The following ZFPM2 variants were observed in gnomAD, a reference collection of about 807,000 sequenced individuals.
ZFPM2 encodes the protein zinc finger protein ZFPM2.
A neutral mutation model predicts 98.6 loss-of-function variants in ZFPM2; 20 were observed. That is an observed-to-expected ratio of 0.20 (90% CI 0.14 to 0.29). ZFPM2 has a LOEUF of 0.29. ZFPM2 is among the 10% of genes least tolerant of loss of function. ZFPM2 has a pLI of 1.00. For missense variants in ZFPM2, 1,310 were observed against 1,388.6 expected, an observed-to-expected ratio of 0.94 and a Z score of 0.90; for synonymous variants, 518 against 502.7, an observed-to-expected ratio of 1.03 and a Z score of -0.41.
intron 3 of ZFPM2, among the ~76,000 whole-genome samples, chr8:105,488,259 A>AAGC (rs1158553249): frequency 6.6e-6 from 1 of 152,240 alleles, no homozygotes; most frequent in African/African-American, 2.4e-5. Context: ...AGTTTAGAAT[A>AAGC]AGCAATCCGT....
intron 3 of ZFPM2, among the ~76,000 whole-genome samples, chr8:105,467,631 C>T (rs1270467435): frequency 4.6e-5 from 7 of 151,994 alleles, no homozygotes; most frequent in Admixed American, 2.6e-4. Context: ...GTTACCATGT[C>T]ACCATTAAAT....
intron 5 of ZFPM2, among the ~76,000 whole-genome samples, chr8:105,660,337 C>T (rs552438553): frequency 1.3e-5 from 2 of 152,250 alleles, no homozygotes; most frequent in Admixed American, 1.3e-4. Context: ...CATTTCCTTT[C>T]TAAGCATTAG....
At chr8:105,579,715 C>T (rs942636421) in intron 4 of ZFPM2, among the ~76,000 whole-genome samples, 1 of 152,166 alleles carries the variant, frequency 6.6e-6, no homozygotes, top group Non-Finnish European at 1.5e-5. Context: ...GTGGCATTTG[C>T]TTTCTCTTTG....
intron 4 of ZFPM2, among the ~76,000 whole-genome samples, chr8:105,631,496 C>G (rs1353264116): frequency 6.6e-6 from 1 of 152,160 alleles, no homozygotes; most frequent in Non-Finnish European, 1.5e-5. Context: ...CACACTGTTT[C>G]CAGCAACTGC....
intron 3 of ZFPM2, among the ~76,000 whole-genome samples, chr8:105,502,563 C>A (rs970666307): frequency 2.0e-5 from 3 of 152,152 alleles, no homozygotes; most frequent in African/African-American, 4.8e-5. Flanking sequence ...AAAGTAGATA[C>A]TAGAGCAAAT....
At chr8:105,370,086 A>G (rs572907030) in intron 1 of ZFPM2, among the ~76,000 whole-genome samples, 1 of 152,276 alleles carries the variant, frequency 6.6e-6, no homozygotes, top group African/African-American at 2.4e-5. Flanking sequence ...CCAGGGTCTC[A>G]GTCCACCTTT....
chr8:105,340,974 CT>C (rs1356488126), intron 1 of ZFPM2, among the ~76,000 whole-genome samples: 1 of 151,894 alleles, frequency 6.6e-6, no homozygotes, highest in Non-Finnish European at 1.5e-5. Context: ...TAATATCTTT[CT>C]TTGAAAAATG....
At chr8:105,693,351 A>T (rs1217146173) in intron 5 of ZFPM2, among the ~76,000 whole-genome samples, 1 of 152,214 alleles carries the variant, frequency 6.6e-6, no homozygotes, top group Non-Finnish European at 1.5e-5. Flanking sequence ...GCTTGTCGGC[A>T]ACTCGCGTTG....
intron 3 of ZFPM2, among the ~76,000 whole-genome samples, chr8:105,545,090 A>G (rs1298384617): frequency 6.6e-6 from 1 of 152,202 alleles, no homozygotes; most frequent in African/African-American, 2.4e-5. Context: ...AATCATGATG[A>G]TGATGATGTC....
In ZFPM2 at chr8:105,803,194, A is replaced by C; in HGVS notation, c.3112A>C (p.Asn1038His). ...KKDSLPLLPK[N>H]RGMVIVNGGL... The stretch of plus-strand genomic sequence containing the variant: ...AGATTCTCTGCCATTGTTGCCCAAA[A>C]ATCGAGGAATGGTAATAGTGAATGG... Residue 1038 changes from asparagine (N) to histidine (H), a missense_variant, in exon 8 of 8, where the codon AAT becomes CAT. Physicochemically the swap from Asn to His is moderately conservative, Grantham distance 68. Coordinates refer to ENST00000407775, the MANE Select transcript of ZFPM2 (RefSeq NM_012082.4). 1 of 1,613,766 alleles carries C rather than the reference A, an allele frequency of 6.2e-7. No homozygotes were observed. The highest frequency in any genetic ancestry group is 8.5e-7 in the Non-Finnish European group (1 of 1,179,764).
intron 4 of ZFPM2, among the ~76,000 whole-genome samples, chr8:105,603,864 A>G (rs1245712858): frequency 1.3e-5 from 2 of 151,938 alleles, no homozygotes; most frequent in Admixed American, 6.6e-5. Context: ...CTCCCATGAC[A>G]TGGCCTCTGT....
At chr8:105,412,677 A>ATT (rs897516797) in intron 1 of ZFPM2, among the ~76,000 whole-genome samples, 1 of 148,886 alleles carries the variant, frequency 6.7e-6, no homozygotes, top group Non-Finnish European at 1.5e-5. Flanking sequence ...TTAAAATAGT[A>ATT]TTTTTTTTTT....
At chr8:105,670,368 C>T (rs1357066090) in intron 5 of ZFPM2, among the ~76,000 whole-genome samples, 5 of 152,008 alleles carry the variant, frequency 3.3e-5, no homozygotes, top group African/African-American at 7.2e-5. Context: ...CGGTGGCGGG[C>T]GCCTGTAGTC....
At chr8:105,497,003 AAG>A (rs1813483234) in intron 3 of ZFPM2, among the ~76,000 whole-genome samples, 1 of 141,324 alleles carries the variant, frequency 7.1e-6, no homozygotes, top group Non-Finnish European at 1.5e-5. Flanking sequence ...AAAAAAAAAA[AAG>A]AGATGAGTCT....
intron 5 of ZFPM2, among the ~76,000 whole-genome samples, chr8:105,649,792 A>G (rs1443091192): frequency 1.3e-5 from 2 of 152,122 alleles, no homozygotes; most frequent in African/African-American, 2.4e-5. Flanking sequence ...CCAGTATTTT[A>G]TTGAGGATTT....
intron 5 of ZFPM2, among the ~76,000 whole-genome samples, chr8:105,759,465 T>G (rs1252896345): frequency 2.0e-5 from 3 of 151,978 alleles, no homozygotes; most frequent in Non-Finnish European, 4.4e-5. Context: ...TCCCATCTCT[T>G]TTTCTAAGGC....
intron 1 of ZFPM2, among the ~76,000 whole-genome samples, chr8:105,346,777 G>GT (rs1022697960): frequency 2.6e-5 from 4 of 152,134 alleles, no homozygotes; most frequent in South Asian, 2.1e-4. Context: ...GGGTTAAGGG[G>GT]TTTTTTTTCA....
chr8:105,753,901 G>T (rs527794526), intron 5 of ZFPM2, among the ~76,000 whole-genome samples: 5 of 152,228 alleles, frequency 3.3e-5, no homozygotes, highest in African/African-American at 1.2e-4. Context: ...CAGCAAGTGT[G>T]TGCACTCAGT....
chr8:105,608,580 GTTTTTTT>G (rs397978197), intron 4 of ZFPM2, among the ~76,000 whole-genome samples: 2 of 108,748 alleles, frequency 1.8e-5, no homozygotes, highest in African/African-American at 6.8e-5. Context: ...AACACCAAGA[GTTTTTTT>G]TTTTTTTTTT....
Sources: allele counts gnomAD v4.1 joint callset (sites outside exome capture counted in the v4.1 genomes callset), GRCh38; gene constraint gnomAD v4.1.1; transcripts MANE v1.5; gene names NCBI Gene and HGNC (gene_info 2026-07-23, HGNC 2026-07-21).